The following CHN2 variants were observed in gnomAD, a reference collection of about 807,000 sequenced individuals.
CHN2 encodes the protein chimerin 2.
In CHN2, 35 loss-of-function variants were observed where a neutral mutation model predicts 56.3. The ratio of observed to expected loss-of-function variants is 0.62; its 90% confidence interval spans 0.47 to 0.82. The LOEUF (loss-of-function observed/expected upper bound fraction) is 0.82. CHN2 is among the 40% of genes least tolerant of loss of function. CHN2 has a pLI of 0.00. For synonymous variants in CHN2, 210 were observed against 212.8 expected, an observed-to-expected ratio of 0.99 and a Z score of 0.12; for missense variants, 491 against 580.5, an observed-to-expected ratio of 0.85 and a Z score of 1.58.
At chr7:29,322,660 C>G (rs1055692666) in intron 1 of CHN2, among the ~76,000 whole-genome samples, 1 of 152,184 alleles carries the variant, frequency 6.6e-6, no homozygotes, top group African/African-American at 2.4e-5. Context: ...GTAGCTCTTT[C>G]AGCTGGTCAT....
intron 3 of CHN2, among the ~76,000 whole-genome samples, chr7:29,371,866 C>T (rs549739917): frequency 1.3e-5 from 2 of 152,220 alleles, no homozygotes; most frequent in Admixed American, 1.3e-4. Flanking sequence ...GTACTCTATC[C>T]CCATGAATGT....
At chr7:29,169,438 G>A (rs1243777657) in intron 2 of CHN2, among the ~76,000 whole-genome samples, 1 of 151,834 alleles carries the variant, frequency 6.6e-6, no homozygotes, top group Non-Finnish European at 1.5e-5. Flanking sequence ...TTAGTGATTT[G>A]TCCTATTTTG....
rs114835774 is a variant in CHN2 at position 29,337,951 on chromosome 7, G to A, written c.50-16674G>A. The stretch of plus-strand genomic sequence containing the variant: ...CAGAACACCAAAACCCAGAAGGAAA[G>A]GAAAACTGGAGGCTCCCAGTCTCAG... On this transcript the variant is annotated intron_variant, in intron 1 of 12. Coordinates refer to ENST00000222792, the MANE Select transcript of CHN2 (RefSeq NM_004067.4). Among the ~76,000 whole-genome samples the A allele has an allele frequency of 6.9e-3, 1,050 of 152,284 alleles. 13 individuals carry two copies. The highest frequency in any genetic ancestry group is 0.022 in the African/African-American group (929 of 41,538).
At chr7:29,247,392 C>T (rs1326196420) in intron 1 of CHN2, among the ~76,000 whole-genome samples, 4 of 152,284 alleles carry the variant, frequency 2.6e-5, no homozygotes, top group Non-Finnish European at 4.4e-5. Context: ...CACCCCTCTC[C>T]GGCACTCAGG....
intron 3 of CHN2, among the ~76,000 whole-genome samples, chr7:29,384,151 G>C (rs1329480002): frequency 1.3e-5 from 2 of 152,146 alleles, no homozygotes; most frequent in Non-Finnish European, 2.9e-5. Flanking sequence ...TGAGTGTGAT[G>C]AGTACTAATC....
At chr7:29,298,331 C>T (rs1262767120) in intron 1 of CHN2, among the ~76,000 whole-genome samples, 2 of 152,094 alleles carry the variant, frequency 1.3e-5, no homozygotes, top group East Asian at 1.9e-4. Flanking sequence ...TTCCCCCGTC[C>T]CCCCTCCCCC....
intron 7 of CHN2, among the ~76,000 whole-genome samples, chr7:29,481,849 T>G (rs1787286937): frequency 6.6e-6 from 1 of 152,150 alleles, no homozygotes; most frequent in Non-Finnish European, 1.5e-5. Flanking sequence ...AAATTCCAAT[T>G]CATTTGGCGT....
chr7:29,389,350 C>T (rs902868939), intron 3 of CHN2, among the ~76,000 whole-genome samples: 34 of 152,228 alleles, frequency 2.2e-4, no homozygotes, highest in African/African-American at 7.7e-4. Context: ...AACATGCACT[C>T]TCAAATCCAT....
At chr7:29,493,529 C>T (rs202107618) in intron 7 of CHN2, among the ~76,000 whole-genome samples, 2 of 152,110 alleles carry the variant, frequency 1.3e-5, no homozygotes, top group African/African-American at 4.8e-5. Context: ...GATATCATAG[C>T]AGCATTTAAC....
chr7:29,332,016 GAAA>G (rs35099980), intron 1 of CHN2, among the ~76,000 whole-genome samples: 36 of 137,230 alleles, frequency 2.6e-4, no homozygotes, highest in Middle Eastern at 3.7e-3. Flanking sequence ...TGTCTCAAAA[GAAA>G]AAAAAAAAAA....
At chr7:29,197,547 C>A (rs760438235) in intron 1 of CHN2, among the ~76,000 whole-genome samples, 1 of 152,142 alleles carries the variant, frequency 6.6e-6, no homozygotes, top group African/African-American at 2.4e-5. Flanking sequence ...AATTTTACTT[C>A]TTTGAGGAAT....
rs1342379865 is a variant in CHN2, at chr7:29,513,631, C to G, written c.*896C>G. The G allele has an allele frequency of 1.3e-5, 2 of 152,182 alleles. No homozygotes were observed. The highest frequency in any genetic ancestry group is 2.9e-5 in the Non-Finnish European group (2 of 68,036). 9.4% of individuals were successfully genotyped at this position (152,182 alleles called of 1,614,324 possible). On this transcript the variant is annotated 3_prime_UTR_variant, in exon 13 of 13. Transcript: ENST00000222792. ...AAGTTAGCACTTACCCTCTTTTCTT[C>G]CTGGCCAAGCCCTCTGAATTCATCT...
At chr7:29,227,307 A>G (rs1280195810) in intron 1 of CHN2, among the ~76,000 whole-genome samples, 2 of 151,994 alleles carry the variant, frequency 1.3e-5, no homozygotes, top group East Asian at 3.9e-4. Flanking sequence ...CACTTTCCCA[A>G]CTCAGTGATC....
intron 1 of CHN2, among the ~76,000 whole-genome samples, chr7:29,216,949 C>T (rs1217363651): frequency 6.6e-6 from 1 of 152,144 alleles, no homozygotes; most frequent in Non-Finnish European, 1.5e-5. Context: ...TTTACAGGAG[C>T]ACGGCTTTTG....
chr7:29,292,843 C>T (rs1056984161), intron 1 of CHN2: 3 of 454,272 alleles, frequency 6.6e-6, no homozygotes, highest in African/African-American at 2.0e-5. Context: ...TTGTCACCAC[C>T]CTAGTCTTGG....
intron 1 of CHN2, among the ~76,000 whole-genome samples, chr7:29,293,943 T>G (rs6975454): frequency 0.84 from 124,696 of 148,266 alleles, 52,490 homozygotes; most frequent in East Asian, 0.99. Context: ...CTCGGCTCAC[T>G]GCAAGCTCCG....
chr7:29,177,432 T>G (rs1797499353), intron 2 of CHN2, among the ~76,000 whole-genome samples: 1 of 152,090 alleles, frequency 6.6e-6, no homozygotes, highest in Non-Finnish European at 1.5e-5. Flanking sequence ...TTTTGTATTT[T>G]TAGTAGAGAT....
chr7:29,202,039 G>T (rs570621694), intron 1 of CHN2, among the ~76,000 whole-genome samples: 1 of 152,242 alleles, frequency 6.6e-6, no homozygotes, highest in East Asian at 1.9e-4. Flanking sequence ...GTGGTTTGTT[G>T]TTTCCCTAAT....
In CHN2 at chr7:29,214,705, A is replaced by G. The variant is rs528882535; in HGVS notation, c.49+19715A>G. Among the ~76,000 whole-genome samples, 3 of 152,244 alleles carry G rather than the reference A, an allele frequency of 2.0e-5. No individual in the cohort carries two copies. In the South Asian group the frequency reaches 6.2e-4, roughly 32 times the overall value. Reference sequence around the variant, plus strand: ...GGCGGAGGTAGGGACATATTTTTACACTTGAATATATGTTATGTAAGAATC... The same window carrying G: ...GGCGGAGGTAGGGACATATTTTTACGCTTGAATATATGTTATGTAAGAATC... On this transcript the variant is annotated intron_variant, in intron 1 of 12. Coordinates refer to ENST00000222792, the MANE Select transcript of CHN2 (RefSeq NM_004067.4).
Sources: allele counts gnomAD v4.1 joint callset (sites outside exome capture counted in the v4.1 genomes callset), GRCh38; gene constraint gnomAD v4.1.1; transcripts MANE v1.5; gene names NCBI Gene and HGNC (gene_info 2026-07-23, HGNC 2026-07-21).